Variants in SYNE1 observed in about 807,000 individuals in gnomAD.
The protein encoded by SYNE1 is spectrin repeat containing nuclear envelope protein 1.
SYNE1 carries 616 observed loss-of-function variants against 1,111.0 expected under a neutral mutation model. The ratio of observed to expected loss-of-function variants is 0.55; its 90% confidence interval spans 0.52 to 0.59. The LOEUF (loss-of-function observed/expected upper bound fraction) is 0.59. Among genes scored for constraint, SYNE1 ranks in the 20% least tolerant of loss-of-function variants. SYNE1 has a pLI of 0.00. For missense variants in SYNE1, 10,006 were observed against 10,417.0 expected, an observed-to-expected ratio of 0.96 and a Z score of 1.72; for synonymous variants, 3,855 against 3,825.8, an observed-to-expected ratio of 1.01 and a Z score of -0.28.
In SYNE1 at chr6:152,269,177, T is replaced by C. The variant is rs1178517684; in HGVS notation, c.18683A>G (p.Gln6228Arg). The change falls in exon 99 of 146, where the codon CAG becomes CGG. Residue 6228 changes from glutamine (Q) to arginine (R), a missense_variant. Gln to Arg is a conservative substitution (Grantham distance 43). This residue lies in a region of SYNE1 where 2,182 missense variants were observed against 2,287.8 expected (regional missense o/e 0.95). Transcript: ENST00000367255. ...TACTTTTTGTTGCTGGAGACTGCTC[T>C]GCCGCTGCTGGGTCCATGTGGTGCG... The part of the protein sequence containing the change: ...QARTTWTQQR[Q>R]SSLQQQKELE... 6 of 1,614,226 alleles carry C rather than the reference T, an allele frequency of 3.7e-6. No individual in the cohort carries two copies. The Admixed American group carries it at 1.0e-4, about 27-fold the overall frequency.
At chr6:152,535,708 A>G (rs2099231806) in intron 4 of SYNE1, among the ~76,000 whole-genome samples, 1 of 152,210 alleles carries the variant, frequency 6.6e-6, no homozygotes, top group South Asian at 2.1e-4. Context: ...ATCAATATAA[A>G]TATTAAGATT....
chr6:152,333,864 C>T (rs1297151256), intron 77 of SYNE1, 144 bp downstream of exon 77: 3 of 1,117,942 alleles, frequency 2.7e-6, no homozygotes, highest in Non-Finnish European at 4.0e-6. Context: ...AACTCCTGAC[C>T]TCAACTAATC....
chr6:152,325,274 T>A lies in SYNE1; in HGVS notation c.15467A>T (p.His5156Leu). The A allele has an allele frequency of 6.2e-7, 1 of 1,614,146 alleles. No homozygotes were observed. Among genetic ancestry groups the A allele is most frequent in the Non-Finnish European group, 8.5e-7 (1 of 1,180,018 alleles). ...KALVSVVNSF[H>L]EKIVALEEKA... is the part of the protein sequence containing the mutation. Reference sequence around the variant, plus strand: ...TTCCTCAAGGGCCACAATTTTCTCATGGAAAGAGTTAACCACTGACACTAA... The same window carrying A: ...TTCCTCAAGGGCCACAATTTTCTCAAGGAAAGAGTTAACCACTGACACTAA... Residue 5156 changes from histidine to leucine, a missense_variant, in exon 81 of 146, where the codon CAT (histidine) becomes CTT (leucine). This residue lies in a region of SYNE1 where 4,955 missense variants were observed against 5,017.2 expected (regional missense o/e 0.99). Coordinates refer to ENST00000367255, the MANE Select transcript of SYNE1 (RefSeq NM_182961.4).
rs531101236 is a variant in SYNE1 at position 152,544,410 on chromosome 6, C to G, written c.68-4389G>C. On this transcript the variant is annotated intron_variant, in intron 3 of 145. Coordinates refer to ENST00000367255, the MANE Select transcript of SYNE1 (RefSeq NM_182961.4). Reference sequence around the variant, plus strand: ...TCCAAATACTCTCTGGGTCCTTCATCCTTGAGGCTCACATTGCTTGTATTT... The same window carrying G: ...TCCAAATACTCTCTGGGTCCTTCATGCTTGAGGCTCACATTGCTTGTATTT... 2.0e-5 allele frequency among the ~76,000 whole-genome samples: 3 copies of G among 152,246 alleles called. No homozygotes were observed. In the East Asian group the frequency reaches 5.8e-4, roughly 29 times the overall value.
intron 87 of SYNE1, among the ~76,000 whole-genome samples, chr6:152,311,869 G>A (rs1456302728): frequency 5.3e-5 from 8 of 151,532 alleles, no homozygotes; most frequent in African/African-American, 4.8e-5. Flanking sequence ...TCCGCCTCCC[G>A]GGTTCACACC....
chr6:152,284,019 T>C lies in SYNE1; in HGVS notation c.18166A>G (p.Thr6056Ala). ...TTCCCCGAGGCTTTCATCCTGATGG[T>C]GGACATTCGCTCGGCTAAGACAGTG... ...TLTVLAERMS[T>A]IRMKASGKRQ... The change falls in exon 96 of 146, where the codon ACC becomes GCC. Residue 6056 changes from threonine to alanine, a missense_variant. Around this residue, in one of 7 missense-constraint regions of SYNE1, gnomAD observed 99 missense variants for 147.8 expected, o/e 0.67. Coordinates refer to ENST00000367255, the MANE Select transcript of SYNE1 (RefSeq NM_182961.4). 1 of 1,614,196 alleles carries C rather than the reference T, an allele frequency of 6.2e-7. No homozygotes were observed. Among genetic ancestry groups the C allele is most frequent in the Non-Finnish European group, 8.5e-7 (1 of 1,180,032 alleles).
In SYNE1 at chr6:152,189,262, A is replaced by C; in HGVS notation, c.23291T>G (p.Leu7764Arg). Residue 7764 changes from leucine (L) to arginine (R), a missense_variant, in exon 128 of 146, where the codon CTA becomes CGA. By Grantham distance (102) the Leu-to-Arg change is moderately radical (BLOSUM62 -2). Transcript: ENST00000367255. ...TAGAACTTATCTTACCTGGTGGCAT[A>C]GTTCTTCCCACTGCCTTTGCAGAAG... ...VELLQRQWEE[L>R]CHQLSLRRQQ... 1 of 1,613,824 alleles carries C rather than the reference A, an allele frequency of 6.2e-7. No homozygotes were observed. The highest frequency in any genetic ancestry group is 8.5e-7 in the Non-Finnish European group (1 of 1,179,942).
intron 3 of SYNE1, among the ~76,000 whole-genome samples, chr6:152,600,792 TAAAGAATA>T (rs980097920): frequency 1.3e-5 from 2 of 152,136 alleles, no homozygotes; most frequent in African/African-American, 4.8e-5. Context: ...CTTTATTTTA[TAAAGAATA>T]AAAGAGATAC....
intron 20 of SYNE1, 112 bp downstream of exon 20, chr6:152,462,626 A>T: frequency 7.6e-7 from 1 of 1,322,518 alleles, no homozygotes; most frequent in Non-Finnish European, 1.1e-6. Context: ...CAGACATGTC[A>T]AAATGATGCC....
chr6:152,538,157 A>T (rs946435812), intron 4 of SYNE1, among the ~76,000 whole-genome samples: 1 of 152,170 alleles, frequency 6.6e-6, no homozygotes, highest in African/African-American at 2.4e-5. Context: ...AATATATTAA[A>T]ATCATAATTG....
chr6:152,359,515 A>G, intron 64 of SYNE1, 57 bp from the exon 65 acceptor site: 2 of 1,606,054 alleles, frequency 1.2e-6, no homozygotes, highest in South Asian at 2.2e-5. Flanking sequence ...CATCAACGAC[A>G]CTGCTAAAAT....
At chr6:152,478,370 A>C (rs2098847501) in intron 14 of SYNE1, 1 of 152,262 alleles carries the variant, frequency 6.6e-6, no homozygotes, top group Non-Finnish European at 1.5e-5. Context: ...TAATGGCAGC[A>C]TATTTGTATG....
intron 45 of SYNE1, among the ~76,000 whole-genome samples, chr6:152,404,571 C>T (rs1440621918): frequency 6.6e-6 from 1 of 151,760 alleles, no homozygotes; most frequent in Non-Finnish European, 1.5e-5. Flanking sequence ...AAAAAACCTC[C>T]TGGAAAAAAA....
chr6:152,156,107 A>G lies in SYNE1; in HGVS notation c.23791-10T>C. ...TGTCTCTCTGAAGCTCCTGCAGGGG[A>G]ACGTAACAGGCTTTATTCAACAATT... On this transcript the variant is annotated splice_polypyrimidine_tract_variant and intron_variant, in intron 131 of 145. Coordinates refer to ENST00000367255, the MANE Select transcript of SYNE1 (RefSeq NM_182961.4). The G allele has an allele frequency of 8.7e-6, 14 of 1,614,108 alleles. No homozygotes were observed. The highest frequency in any genetic ancestry group is 1.2e-5 in the Non-Finnish European group (14 of 1,180,000).
intron 14 of SYNE1, chr6:152,474,603 T>C (rs890163732): frequency 1.3e-5 from 2 of 152,226 alleles, no homozygotes; most frequent in African/African-American, 4.8e-5. Context: ...CAAGCCACCA[T>C]GAGTGAGAAC....
chr6:152,172,739 G>A (rs904937130), intron 130 of SYNE1, among the ~76,000 whole-genome samples: 10 of 152,266 alleles, frequency 6.6e-5, no homozygotes, highest in African/African-American at 2.2e-4. Flanking sequence ...CGTCACCAAT[G>A]ACAGCTTCTT....
intron 8 of SYNE1, among the ~76,000 whole-genome samples, chr6:152,507,310 A>G (rs2099062997): frequency 6.6e-6 from 1 of 152,210 alleles, no homozygotes; most frequent in Non-Finnish European, 1.5e-5. Context: ...CCATGTAATT[A>G]GCTATTTCTA....
At chr6:152,437,284 T>C (rs930261934) in intron 32 of SYNE1, among the ~76,000 whole-genome samples, 25 of 152,240 alleles carry the variant, frequency 1.6e-4, no homozygotes, top group Non-Finnish European at 3.2e-4. Flanking sequence ...GGAAAGAGAA[T>C]ATAAGTTTTG....
At chr6:152,166,803 G>A (rs1044242469) in intron 130 of SYNE1, among the ~76,000 whole-genome samples, 5 of 152,222 alleles carry the variant, frequency 3.3e-5, no homozygotes, top group Non-Finnish European at 7.3e-5. Context: ...CAGTGTGCAT[G>A]TGTGCTGGGG....
Sources: gnomAD v4.1 joint callset for allele counts (sites outside exome capture counted in the v4.1 genomes callset) on GRCh38, gnomAD v4.1.1 for gene constraint, gnomAD v4.1.1 regional missense constraint, MANE v1.5 for transcripts, NCBI Gene and HGNC (gene_info 2026-07-23, HGNC 2026-07-21) for gene names.